LRP5: variants seen among roughly 807,000 people sequenced by gnomAD.
LRP5 encodes LDL receptor related protein 5, also known as low-density lipoprotein receptor-related protein 5.
In LRP5, 62 loss-of-function variants were observed where a neutral mutation model predicts 154.1. The observed-to-expected ratio is 0.40, with a 90% confidence interval of 0.33 to 0.50. The LOEUF (loss-of-function observed/expected upper bound fraction) is 0.50, where lower values mean the gene tolerates loss of function less well. LRP5 is among the 20% of genes least tolerant of loss of function. LRP5 has a pLI of 0.55. For missense variants in LRP5, 1,915 were observed against 2,336.7 expected (o/e 0.82, Z 3.72); for synonymous variants, 966 against 1,011.5 (o/e 0.96, Z 0.85).
At chr11:68,446,053 AG>A (rs1478259791) in intron 21 of LRP5, among the ~76,000 whole-genome samples, 2 of 152,130 alleles carry the variant, frequency 1.3e-5, no homozygotes, top group Admixed American at 6.5e-5. Context: ...GAGCCTGGTG[AG>A]GTGCTAACTG....
intron 12 of LRP5, among the ~76,000 whole-genome samples, chr11:68,416,065 T>C (rs925914773): frequency 1.3e-5 from 2 of 151,042 alleles, no homozygotes; most frequent in African/African-American, 4.9e-5. Context: ...AAAAAAAAAA[T>C]AAATAAATAA....
At chr11:68,338,676 G>C (rs957198332) in intron 1 of LRP5, among the ~76,000 whole-genome samples, 41 of 152,104 alleles carry the variant, frequency 2.7e-4, no homozygotes, top group Admixed American at 7.9e-4. Flanking sequence ...GAGCAGGGGT[G>C]CCTGAATCCC....
chr11:68,434,640 A>G (rs1419491231), intron 18 of LRP5, among the ~76,000 whole-genome samples: 1 of 152,160 alleles, frequency 6.6e-6, no homozygotes, highest in African/African-American at 2.4e-5. Flanking sequence ...TCAGCCTCCC[A>G]AAGTGCTGGG....
At chr11:68,315,970 A>G (rs1297981673) in intron 1 of LRP5, among the ~76,000 whole-genome samples, 1 of 152,168 alleles carries the variant, frequency 6.6e-6, no homozygotes, top group African/African-American at 2.4e-5. Context: ...ATATAATATA[A>G]AATATTAAAG....
At chr11:68,401,275 T>C (rs1254202469) in intron 7 of LRP5, among the ~76,000 whole-genome samples, 1 of 152,138 alleles carries the variant, frequency 6.6e-6, no homozygotes, top group Non-Finnish European at 1.5e-5. Context: ...GAACCCTAGA[T>C]GATTTTGGGA....
chr11:68,403,710 G>C lies in LRP5; in HGVS notation c.1801+11G>C. On this transcript the variant is annotated intron_variant, in intron 8 of 22. Transcript: ENST00000294304. ...TGGCCAAGGTCGTCGGTGAGTCCGG[G>C]GGGTCCCAAGCCATGGCTCAGCCAT... is the stretch of plus-strand genomic sequence containing the variant. The C allele has an allele frequency of 6.2e-7, 1 of 1,612,758 alleles. No individual in the cohort carries two copies.
Position 68,365,717 on chromosome 11 carries a change from C to T in LRP5, c.1015+15C>T, listed in dbSNP as rs201268200. Reference sequence around the variant, plus strand: ...GTGTAAGGCAGGTGAGGCGGTGGGACGGGACGGGGCGGGCGGGCGGGGCGG... The same window carrying T: ...GTGTAAGGCAGGTGAGGCGGTGGGATGGGACGGGGCGGGCGGGCGGGGCGG... On this transcript the variant is annotated intron_variant, in intron 5 of 22. Coordinates refer to ENST00000294304, the MANE Select transcript of LRP5 (RefSeq NM_002335.4). 0.036 allele frequency: 1,877 copies of T among 51,832 alleles called. 26 individuals carry two copies. The highest frequency in any genetic ancestry group is 0.28 in the African/African-American group (1,652 of 5,892). The allele number at this position is 51,832 out of a possible 1,614,324, so 3.2% of individuals were successfully genotyped here.
rs1385469802 is a variant in LRP5 at position 68,415,882 on chromosome 11, C to T, written c.2828-446C>T. On this transcript the variant is annotated intron_variant, in intron 12 of 22. Transcript: ENST00000294304. ...CCATCCTGGCTAACACGGTGAAACC[C>T]GTCTCTACTAAAAATACAAAAAATG... Among the ~76,000 whole-genome samples the T allele has an allele frequency of 2.3e-4, 12 of 51,168 alleles. 4 individuals carry two copies. Among genetic ancestry groups the T allele is most frequent in the African/African-American group, 5.3e-4 (12 of 22,502 alleles). 33.6% of individuals were successfully genotyped at this position (51,168 alleles called of 152,430 possible). A position where few individuals can be genotyped will look rare whatever the true frequency, so the allele number is the denominator to read the frequency against.
intron 1 of LRP5, among the ~76,000 whole-genome samples, chr11:68,328,601 C>T (rs958489232): frequency 1.1e-4 from 16 of 152,206 alleles, no homozygotes; most frequent in African/African-American, 3.1e-4. Flanking sequence ...CCAGCCCAGC[C>T]GACTGTCGGG....
chr11:68,353,063 C>T lies in LRP5; in HGVS notation c.489-4587C>T, dbSNP rs961431956. On this transcript the variant is annotated intron_variant, in intron 2 of 22. Transcript: ENST00000294304. This position sits in a 1 kb window ranked among gnomAD's most constrained non-coding sequence, Gnocchi z 4.5. ...TGCTGGGCCCTTGGTTGGGAGTAGT[C>T]TTTCCCATGCTCAGATCTGAGCTGG... 6.6e-6 allele frequency among the ~76,000 whole-genome samples: 1 copy of T among 152,144 alleles called. No homozygotes were observed.
chr11:68,308,923 ATTTTTTTTTTT>A (rs34529621), upstream of LRP5, among the ~76,000 whole-genome samples: 1 of 74,482 alleles, frequency 1.3e-5, no homozygotes, highest in African/African-American at 6.0e-5. Flanking sequence ...TAATCAGCTA[ATTTTTTTTTTT>A]TTTTTTTTTT....
chr11:68,350,225 C>G (rs2098617132), intron 2 of LRP5, among the ~76,000 whole-genome samples: 1 of 152,226 alleles, frequency 6.6e-6, no homozygotes, highest in South Asian at 2.1e-4. Flanking sequence ...TTAGTAGACA[C>G]AGGGTTTCGC....
intron 6 of LRP5, among the ~76,000 whole-genome samples, chr11:68,389,613 TA>T (rs552439756): frequency 1.9e-4 from 29 of 152,350 alleles, no homozygotes; most frequent in Non-Finnish European, 2.9e-4. Flanking sequence ...CACCGACATT[TA>T]CCGACACTGA....
chr11:68,390,117 T>G, intron 7 of LRP5, 65 bp downstream of exon 7: 1 of 1,586,406 alleles, frequency 6.3e-7, no homozygotes, highest in Non-Finnish European at 8.6e-7. Flanking sequence ...CAGCCAGATG[T>G]ACGTATTGGC....
At chr11:68,325,326 C>G (rs1455317270) in intron 1 of LRP5, among the ~76,000 whole-genome samples, 2 of 152,288 alleles carry the variant, frequency 1.3e-5, no homozygotes, top group East Asian at 3.9e-4. Flanking sequence ...TGCCCTGACC[C>G]CTGTGATCCG....
Position 68,446,469 on chromosome 11 carries a change from C to T in LRP5, c.4522C>T (p.Pro1508Ser), listed in dbSNP as rs938621756. ...LNPPPSPATD[P>S]SLYNMDMFYS... ...CCCGCCGCCCTCCCCGGCCACGGACCCCTCCCTGTACAACATGGACATGTT... is the reference window on the plus strand; with the variant it reads ...CCCGCCGCCCTCCCCGGCCACGGACTCCTCCCTGTACAACATGGACATGTT... Residue 1508 changes from proline (P) to serine (S), a missense_variant, in exon 22 of 23, where the codon CCC (proline) becomes TCC (serine). This residue lies in a region of LRP5 where 1,094 missense variants were observed against 1,210.1 expected (regional missense o/e 0.90). Transcript: ENST00000294304. The T allele has an allele frequency of 6.2e-7, 1 of 1,614,152 alleles. No individual in the cohort carries two copies. Among genetic ancestry groups the T allele is most frequent in the Non-Finnish European group, 8.5e-7 (1 of 1,180,000 alleles).
chr11:68,347,674 C>G (rs1181034772), intron 1 of LRP5, among the ~76,000 whole-genome samples, 173 bp from the exon 2 acceptor site: 1 of 152,326 alleles, frequency 6.6e-6, no homozygotes, highest in Admixed American at 6.5e-5. Context: ...TGATGCGGGC[C>G]GGGGCTGCCC....
chr11:68,380,162 C>T (rs926754032), intron 5 of LRP5, among the ~76,000 whole-genome samples: 1 of 152,124 alleles, frequency 6.6e-6, no homozygotes, highest in Non-Finnish European at 1.5e-5. Context: ...GCTTCTTGTA[C>T]GAGGGTCATT....
intron 7 of LRP5, among the ~76,000 whole-genome samples, chr11:68,392,150 A>T (rs188470506): frequency 1.3e-5 from 2 of 152,306 alleles, no homozygotes; most frequent in African/African-American, 4.8e-5. Flanking sequence ...CACGCAGCTC[A>T]ATGATTTTAT....
Sources: allele counts gnomAD v4.1 joint callset (sites outside exome capture counted in the v4.1 genomes callset), GRCh38; gene constraint gnomAD v4.1.1; regional missense constraint gnomAD v4.1.1; non-coding constraint Gnocchi (gnomAD v3.1); transcripts MANE v1.5; gene names NCBI Gene and HGNC (gene_info 2026-07-23, HGNC 2026-07-21).